The following CDC42SE2 variants were observed in gnomAD, a reference collection of about 807,000 sequenced individuals.
The protein encoded by CDC42SE2 is CDC42 small effector protein 2.
CDC42SE2 carries 3 observed loss-of-function variants against 11.5 expected under a neutral mutation model. The observed-to-expected ratio is 0.26, with a 90% confidence interval of 0.12 to 0.67. The LOEUF (loss-of-function observed/expected upper bound fraction) is 0.67. CDC42SE2 is among the 30% of genes least tolerant of loss of function. CDC42SE2 has a pLI of 0.80. For synonymous variants in CDC42SE2, 33 were observed against 34.8 expected (o/e 0.95, Z 0.18); for missense variants, 82 against 106.8 (o/e 0.77, Z 1.02).
rs1455343928 is a variant in CDC42SE2 at position 131,368,232 on chromosome 5, A to G, written c.54+8685A>G. Among the ~76,000 whole-genome samples, 173 of 131,420 alleles carry G rather than the reference A, an allele frequency of 1.3e-3. 1 individual carries two copies. Among genetic ancestry groups the G allele is most frequent in the African/African-American group, 4.9e-3 (166 of 33,840 alleles). The allele number at this position is 131,420 out of a possible 152,430, so 86.2% of individuals were successfully genotyped here. A position where few individuals can be genotyped will look rare whatever the true frequency, so the allele number is the denominator to read the frequency against. ...TGCGCCACTGCACTCCAGCCTGGGC[A>G]ATAGAGTGAGACTCCATCTCAAAAA... is the stretch of plus-strand genomic sequence containing the variant. On this transcript the variant is annotated intron_variant, in intron 3 of 4. Transcript: ENST00000505065.
chr5:131,234,704 C>T, the CDC42SE2 span, among the ~76,000 whole-genome samples: 4 of 151,618 alleles, frequency 2.6e-5, no homozygotes, highest in Admixed American at 1.3e-4. Flanking sequence ...TGGGAATTGG[C>T]TCATGCAATA....
At chr5:131,240,317 T>G in the CDC42SE2 span, among the ~76,000 whole-genome samples, 2 of 152,212 alleles carry the variant, frequency 1.3e-5, no homozygotes, top group Non-Finnish European at 1.5e-5. Context: ...TCTCTGTATG[T>G]TTATTTTTGT....
chr5:131,264,897 T>C (rs1022876318), intron 1 of CDC42SE2, among the ~76,000 whole-genome samples: 17 of 152,260 alleles, frequency 1.1e-4, no homozygotes, highest in African/African-American at 4.1e-4. Context: ...AGCTTGCAAT[T>C]ATTTTAAATG....
intron 1 of CDC42SE2, among the ~76,000 whole-genome samples, chr5:131,298,072 A>C (rs1222387905): frequency 6.6e-6 from 1 of 151,938 alleles, no homozygotes; most frequent in African/African-American, 2.4e-5. Flanking sequence ...GGGTTAGAGT[A>C]ATGTGCTTTC....
At chr5:131,350,637 G>GTGTGTGTGTATATA (rs147203202) in intron 2 of CDC42SE2, among the ~76,000 whole-genome samples, 4 of 147,608 alleles carry the variant, frequency 2.7e-5, no homozygotes, top group African/African-American at 1.0e-4. Flanking sequence ...GTGTGTGTGT[G>GTGTGTGTGTATATA]TATATATATA....
At chr5:131,355,260 T>C (rs1351884438) in intron 2 of CDC42SE2, among the ~76,000 whole-genome samples, 2 of 152,146 alleles carry the variant, frequency 1.3e-5, no homozygotes, top group African/African-American at 4.8e-5. Context: ...TTTCATTTTA[T>C]AACTAAGAAA....
At chr5:131,345,316 G>A (rs531657733) in intron 2 of CDC42SE2, among the ~76,000 whole-genome samples, 2 of 152,282 alleles carry the variant, frequency 1.3e-5, no homozygotes, top group East Asian at 3.9e-4. Context: ...TACATGACCT[G>A]ATGGAGCTGA....
At chr5:131,249,130 G>T (rs1756620068) in intron 1 of CDC42SE2, among the ~76,000 whole-genome samples, 2 of 147,668 alleles carry the variant, frequency 1.4e-5, no homozygotes. Context: ...TGATTCTCCT[G>T]CCTCAGCCTC....
chr5:131,341,270 A>G (rs887660956), intron 2 of CDC42SE2, among the ~76,000 whole-genome samples: 1 of 152,206 alleles, frequency 6.6e-6, no homozygotes, highest in African/African-American at 2.4e-5. Flanking sequence ...TCCAAGAGTT[A>G]AGGAAAAAAA....
chr5:131,337,944 C>A (rs1283955636), intron 2 of CDC42SE2, among the ~76,000 whole-genome samples: 1 of 152,236 alleles, frequency 6.6e-6, no homozygotes. Flanking sequence ...CGCCCTGCTT[C>A]CGCTCACGCA....
the CDC42SE2 span, among the ~76,000 whole-genome samples, chr5:131,238,330 T>C: frequency 6.6e-6 from 1 of 151,964 alleles, no homozygotes; most frequent in African/African-American, 2.4e-5. Flanking sequence ...AACCCGTCTC[T>C]ACTAAAACTA....
intron 1 of CDC42SE2, among the ~76,000 whole-genome samples, chr5:131,267,305 CCTT>C (rs1756890367): frequency 2.0e-5 from 3 of 152,058 alleles, no homozygotes; most frequent in South Asian, 4.1e-4. Flanking sequence ...GATCTGCCCT[CCTT>C]GGCCTCCCAA....
At chr5:131,344,569 G>A (rs1464507342) in intron 2 of CDC42SE2, among the ~76,000 whole-genome samples, 2 of 152,210 alleles carry the variant, frequency 1.3e-5, no homozygotes, top group African/African-American at 4.8e-5. Context: ...CTCCACCTAT[G>A]GGGGCAGGGC....
intron 1 of CDC42SE2, among the ~76,000 whole-genome samples, chr5:131,314,722 G>A (rs1459919065): frequency 6.6e-6 from 1 of 152,124 alleles, no homozygotes; most frequent in African/African-American, 2.4e-5. Flanking sequence ...TCAGTTTAGA[G>A]TTGAAGAAAT....
chr5:131,232,603 G>A, the CDC42SE2 span, among the ~76,000 whole-genome samples: 5 of 151,348 alleles, frequency 3.3e-5, no homozygotes, highest in Non-Finnish European at 5.9e-5. Context: ...GTGTGTTGGC[G>A]GGCGCCTGTA....
chr5:131,298,183 A>G (rs1258338517), intron 1 of CDC42SE2, among the ~76,000 whole-genome samples: 3 of 151,538 alleles, frequency 2.0e-5, no homozygotes, highest in Non-Finnish European at 4.4e-5. Flanking sequence ...GCTCAGCGCA[A>G]CCTCTGCCTC....
chr5:131,372,555 T>TA (rs950407314), intron 3 of CDC42SE2, among the ~76,000 whole-genome samples: 5 of 150,690 alleles, frequency 3.3e-5, no homozygotes, highest in Non-Finnish European at 5.9e-5. Flanking sequence ...CTACTAAAAA[T>TA]AAAAAAAAAT....
At chr5:131,345,396 G>T (rs903235480) in intron 2 of CDC42SE2, among the ~76,000 whole-genome samples, 3 of 152,018 alleles carry the variant, frequency 2.0e-5, no homozygotes, top group Admixed American at 2.0e-4. Context: ...GTAGAAGAAA[G>T]GGTATCAGTG....
intron 2 of CDC42SE2, among the ~76,000 whole-genome samples, chr5:131,321,774 C>T (rs1389019503): frequency 6.6e-6 from 1 of 152,028 alleles, no homozygotes; most frequent in Non-Finnish European, 1.5e-5. Flanking sequence ...AGGGATTCAC[C>T]TAATTTTCAT....
Sources: allele counts gnomAD v4.1 joint callset (sites outside exome capture counted in the v4.1 genomes callset), GRCh38; gene constraint gnomAD v4.1.1; transcripts MANE v1.5; gene names NCBI Gene and HGNC (gene_info 2026-07-23, HGNC 2026-07-21).